CLMP: variants seen among roughly 807,000 people sequenced by gnomAD.
CLMP encodes the protein CXADR-like membrane protein.
CLMP carries 27 observed loss-of-function variants against 45.2 expected under a neutral mutation model. That is an observed-to-expected ratio of 0.60 (90% confidence interval 0.44 to 0.82). The LOEUF (loss-of-function observed/expected upper bound fraction) is 0.82, where lower values mean the gene tolerates loss of function less well. Among genes scored for constraint, CLMP ranks in the 40% least tolerant of loss-of-function variants. The pLI is 0.00. For synonymous variants in CLMP, 167 were observed against 171.4 expected (o/e 0.97, Z 0.20); for missense variants, 403 against 448.4 (o/e 0.90, Z 0.91).
At chr11:123,136,267 A>G in intron 1 of CLMP, 1 of 652,048 alleles carries the variant, frequency 1.5e-6, no homozygotes. Flanking sequence ...TAGATCCCGA[A>G]CTGTGGCCAA....
intron 1 of CLMP, among the ~76,000 whole-genome samples, chr11:123,159,674 CA>C (rs529936300): frequency 9.2e-4 from 140 of 152,274 alleles, no homozygotes; most frequent in African/African-American, 3.2e-3. Context: ...GCGGGAGGCC[CA>C]GGGGGCACAC....
intron 1 of CLMP, among the ~76,000 whole-genome samples, chr11:123,141,173 C>CTTTTTTTTTTTTTTTTTTTTTTTTTTT (rs550888215): frequency 1.2e-5 from 1 of 80,808 alleles, no homozygotes; most frequent in Non-Finnish European, 2.2e-5. Context: ...TCAGGCATTC[C>CTTTTTTTTTTTTTTTTTTTTTTTTTTT]TTTTTTTTTT....
At chr11:123,151,280 T>TA (rs1044889177) in intron 1 of CLMP, among the ~76,000 whole-genome samples, 1 of 152,246 alleles carries the variant, frequency 6.6e-6, no homozygotes, top group African/African-American at 2.4e-5. Context: ...TTCTCTATGA[T>TA]AAAGTCCACA....
At chr11:123,152,245 C>T (rs776804391) in intron 1 of CLMP, among the ~76,000 whole-genome samples, 2 of 151,994 alleles carry the variant, frequency 1.3e-5, no homozygotes, top group African/African-American at 4.8e-5. Context: ...TCGTGGTGGC[C>T]GGGCACGGTG....
At chr11:123,124,319 G>A (rs906189590) in intron 1 of CLMP, among the ~76,000 whole-genome samples, 15 of 152,020 alleles carry the variant, frequency 9.9e-5, no homozygotes, top group East Asian at 1.9e-4. Flanking sequence ...CACAGCTTAC[G>A]GTTTTCCCAG....
Position 123,083,153 on chromosome 11 carries a change from C to G in CLMP, c.611G>C (p.Gly204Ala). 1 of 1,614,090 alleles carries G rather than the reference C, an allele frequency of 6.2e-7. No individual in the cohort carries two copies. ...LLQNLTMSYSGLYQCTAGNEA... is the reference protein window; with the variant it reads ...LLQNLTMSYSALYQCTAGNEA... ...GTTGCCTGCTGTGCACTGGTACAGT[C>G]CAGAGTAGGACATGGTAAGATTCTG... The change falls in exon 5 of 7, where the codon GGA (glycine) becomes GCA (alanine). Residue 204 changes from glycine (G) to alanine (A), a missense_variant. Gly to Ala is a moderately conservative substitution (Grantham distance 60). Coordinates refer to ENST00000448775, the MANE Select transcript of CLMP (RefSeq NM_024769.5).
intron 1 of CLMP, among the ~76,000 whole-genome samples, chr11:123,144,679 AT>A (rs112635472): frequency 3.9e-5 from 6 of 152,008 alleles, no homozygotes; most frequent in Middle Eastern, 3.2e-3. Context: ...GGGGATAATG[AT>A]TTTTTTTGGT....
intron 1 of CLMP, 95 bp downstream of exon 1, chr11:123,194,811 CAGGGGCT>C: frequency 6.9e-7 from 1 of 1,456,674 alleles, no homozygotes; most frequent in Non-Finnish European, 9.6e-7. Flanking sequence ...CGGCTGACTC[CAGGGGCT>C]GCAGGGACAC....
At chr11:123,146,991 C>A (rs75090188) in intron 1 of CLMP, among the ~76,000 whole-genome samples, 1 of 152,204 alleles carries the variant, frequency 6.6e-6, no homozygotes, top group Admixed American at 6.5e-5. Flanking sequence ...TCTATATATT[C>A]GAGCTCCTGA....
At chr11:123,079,697 G>A (rs796620069) in intron 5 of CLMP, among the ~76,000 whole-genome samples, 12 of 152,116 alleles carry the variant, frequency 7.9e-5, no homozygotes, top group African/African-American at 2.4e-4. Flanking sequence ...CGCCCGCCTC[G>A]ACCTCCCAAA....
intron 1 of CLMP, among the ~76,000 whole-genome samples, chr11:123,164,923 T>G (rs1861537882): frequency 6.6e-6 from 1 of 152,166 alleles, no homozygotes; most frequent in South Asian, 2.1e-4. Flanking sequence ...AACCAAAGAA[T>G]GTTATAACAT....
chr11:123,193,876 C>A (rs1861941582), intron 1 of CLMP, among the ~76,000 whole-genome samples: 1 of 152,132 alleles, frequency 6.6e-6, no homozygotes, highest in Admixed American at 6.5e-5. Flanking sequence ...AAACCAGGAC[C>A]AGCTCTCCCG....
intron 1 of CLMP, among the ~76,000 whole-genome samples, chr11:123,150,845 T>C (rs1861327866): frequency 1.3e-5 from 2 of 152,024 alleles, no homozygotes; most frequent in South Asian, 4.1e-4. Flanking sequence ...GCCTCTCGAG[T>C]AGCTGGGATT....
chr11:123,112,728 C>T (rs764618743), intron 1 of CLMP, among the ~76,000 whole-genome samples: 1 of 150,924 alleles, frequency 6.6e-6, no homozygotes. Flanking sequence ...TCTGAAATCA[C>T]GGCAAAACGG....
intron 1 of CLMP, among the ~76,000 whole-genome samples, chr11:123,165,073 G>A (rs1451297739): frequency 2.0e-5 from 3 of 152,186 alleles, no homozygotes; most frequent in Non-Finnish European, 4.4e-5. Flanking sequence ...GACAGGCTAC[G>A]CGTCTGATAA....
chr11:123,113,003 G>A (rs1860662857), intron 1 of CLMP, among the ~76,000 whole-genome samples: 1 of 151,628 alleles, frequency 6.6e-6, no homozygotes, highest in South Asian at 2.1e-4. Flanking sequence ...TCGATCTCCT[G>A]ACCTTGTGAT....
intron 1 of CLMP, among the ~76,000 whole-genome samples, chr11:123,111,815 T>C (rs993876516): frequency 1.2e-4 from 19 of 152,208 alleles, no homozygotes; most frequent in African/African-American, 4.6e-4. Context: ...GAGGAACTTT[T>C]CCCAGGAAAT....
In CLMP at chr11:123,129,470, T is replaced by C. The variant is rs1369011921; in HGVS notation, c.29-31518A>G. On this transcript the variant is annotated intron_variant, in intron 1 of 6. Transcript: ENST00000448775. Reference sequence around the variant, plus strand: ...ATATTATATAAAATATATCATATGATATATTATAGATTATATATAATTAAT... The same window carrying C: ...ATATTATATAAAATATATCATATGACATATTATAGATTATATATAATTAAT... Among the ~76,000 whole-genome samples, 6 of 141,796 alleles carry C rather than the reference T, an allele frequency of 4.2e-5. No individual in the cohort carries two copies. In the East Asian group the frequency reaches 9.9e-4, roughly 23 times the overall value. The allele number at this position is 141,796 out of a possible 152,430, so 93.0% of individuals were successfully genotyped here.
chr11:123,073,053 C>A lies in CLMP; in HGVS notation c.*421G>T. ...TTGACTGTCTGAATAACTAATAATC[C>A]AATAAGTTTGCAGAAATGCATAGAA... On this transcript the variant is annotated 3_prime_UTR_variant, in exon 7 of 7. Transcript: ENST00000448775. 1 of 164,844 alleles carries A rather than the reference C, an allele frequency of 6.1e-6. No individual in the cohort carries two copies. The highest frequency in any genetic ancestry group is 1.3e-5 in the Non-Finnish European group (1 of 75,432). 10.2% of individuals were successfully genotyped at this position (164,844 alleles called of 1,614,324 possible).
Sources: gnomAD v4.1 joint callset for allele counts (sites outside exome capture counted in the v4.1 genomes callset) on GRCh38, gnomAD v4.1.1 for gene constraint, MANE v1.5 for transcripts, NCBI Gene and HGNC (gene_info 2026-07-23, HGNC 2026-07-21) for gene names.